The following PSG4 variants were observed in gnomAD, a reference collection of about 807,000 sequenced individuals.
PSG4 encodes the protein pregnancy specific beta-1-glycoprotein 4, also known as pregnancy-specific beta-1-glycoprotein 4.
PSG4 carries 61 observed loss-of-function variants against 44.3 expected under a neutral mutation model. That is an observed-to-expected ratio of 1.38 (90% CI 1.12 to 1.70). The LOEUF is 1.70. Among genes scored for constraint, PSG4 ranks in the 40% most tolerant of loss-of-function variants. The probability of loss-of-function intolerance (pLI) is 0.00; values close to 1 mark genes in which losing one functional copy is unlikely to be tolerated. For synonymous variants in PSG4, 248 were observed against 191.3 expected (o/e 1.30, Z -2.45); for missense variants, 677 against 511.7 (o/e 1.32, Z -3.12).
Position 43,202,625 on chromosome 19 carries a change from T to C in PSG4, c.430+1261A>G, listed in dbSNP as rs566619813. 2.8e-5 allele frequency among the ~76,000 whole-genome samples: 4 copies of C among 144,710 alleles called. 2 individuals are homozygous for C. The East Asian group carries it at 9.6e-4, about 35-fold the overall frequency. 94.9% of individuals were successfully genotyped at this position (144,710 alleles called of 152,430 possible). A position where few individuals can be genotyped will look rare whatever the true frequency, so the allele number is the denominator to read the frequency against. On this transcript the variant is annotated intron_variant, in intron 2 of 5. Transcript: ENST00000405312. The stretch of plus-strand genomic sequence containing the variant: ...AAAGAAAACAAGGTCCTCTCCTTGA[T>C]CTTCTCATGACAGTGACATGGGCAC...
chr19:43,194,714 TC>T (rs1967159586), intron 4 of PSG4, 120 bp from the exon 5 acceptor site: 1 of 1,477,194 alleles, frequency 6.8e-7, no homozygotes, highest in African/African-American at 1.4e-5. Context: ...CCAGCCAAAC[TC>T]CCTCTATGTT....
At position 43,205,556 on chromosome 19, in the gene PSG4, T is replaced by C. The variant is rs146063414; in HGVS notation, c.-20A>G. On this transcript the variant is annotated 5_prime_UTR_variant, in exon 1 of 6. Transcript: ENST00000405312. ...CCCCATGGTCTCTGCTGCTTGTGTG[T>C]TCTCCTCTGTGGAGATAAGCCTAGG... The C allele has an allele frequency of 2.7e-3, 4,180 of 1,537,824 alleles. 659 individuals carry two copies. The African/African-American group carries it at 0.052, about 19-fold the overall frequency.
chr19:43,203,857 A>C, intron 2 of PSG4, 29 bp downstream of exon 2: 2 of 1,570,016 alleles, frequency 1.3e-6, no homozygotes, highest in South Asian at 2.3e-5. Flanking sequence ...CTGTCCCCCA[A>C]CACCCAGGGA....
intron 5 of PSG4, 200 bp downstream of exon 5, chr19:43,194,140 G>A (rs1967123883): frequency 4.1e-6 from 6 of 1,449,994 alleles, no homozygotes; most frequent in Admixed American, 2.4e-5. Flanking sequence ...TCTAGGCTGG[G>A]AATTTTAAGA....
chr19:43,198,277 T>C lies in PSG4; in HGVS notation c.431-2A>G, dbSNP rs1967347542. 11 of 1,583,004 alleles carry C rather than the reference T, an allele frequency of 6.9e-6. 4 individuals are homozygous for C. The East Asian group carries it at 2.9e-4, about 42-fold the overall frequency. On this transcript the variant is annotated splice_acceptor_variant, in intron 2 of 5. Transcript: ENST00000405312. LOFTEE classifies it high-confidence loss of function. ...AGATGGAGGGCTTGGGAGTCTCCAC[T>C]GTGCAGAAAACAGAGAGAGGTTTGC... is the stretch of plus-strand genomic sequence containing the variant.
rs1267384627 is a variant in PSG4 at position 43,193,078 on chromosome 19, G to C, written c.*294C>G. The C allele has an allele frequency of 1.6e-6, 1 of 613,794 alleles. No homozygotes were observed. Among genetic ancestry groups the C allele is most frequent in the African/African-American group, 1.8e-5 (1 of 54,098 alleles). The allele number at this position is 613,794 out of a possible 1,614,324, so 38.0% of individuals were successfully genotyped here. A position where few individuals can be genotyped will look rare whatever the true frequency, so the allele number is the denominator to read the frequency against. On this transcript the variant is annotated 3_prime_UTR_variant, in exon 6 of 6. Transcript: ENST00000405312. ...AAAGAGGCAGGCATGAGCAAGGACGGTTAAGAGGGGTGGGAGCCTTATCAT... is the reference window on the plus strand; with the variant it reads ...AAAGAGGCAGGCATGAGCAAGGACGCTTAAGAGGGGTGGGAGCCTTATCAT...
chr19:43,193,751 C>G lies in PSG4; in HGVS notation c.1244-363G>C, dbSNP rs1413317219. On this transcript the variant is annotated intron_variant, in intron 5 of 5. Transcript: ENST00000405312. ...TGCAGTTCATATTGGTTCATTCTAT[C>G]TATATTCTTGAATATAACATCCCAG... The G allele has an allele frequency of 1.9e-5, 10 of 535,308 alleles. No homozygotes were observed. In the East Asian group the frequency reaches 2.5e-4, roughly 13 times the overall value. The allele number at this position is 535,308 out of a possible 1,614,324, so 33.2% of individuals were successfully genotyped here. A position where few individuals can be genotyped will look rare whatever the true frequency, so the allele number is the denominator to read the frequency against.
chr19:43,195,333 T>C, intron 3 of PSG4, 60 bp from the exon 4 acceptor site: 1 of 1,585,624 alleles, frequency 6.3e-7, no homozygotes, highest in Non-Finnish European at 8.6e-7. Context: ...TCCACAGGCA[T>C]ACTTCAATCA....
chr19:43,205,158 T>A lies in PSG4; in HGVS notation c.64+315A>T, dbSNP rs1358677100. On this transcript the variant is annotated intron_variant, in intron 1 of 5. Transcript: ENST00000405312. ...AGTCTCGTCCTGTCACCCAGGCTGG[T>A]GTGCAGTAGTGCTATCTTGGCTAGC... is the stretch of plus-strand genomic sequence containing the variant. Among the ~76,000 whole-genome samples, 10 of 129,298 alleles carry A rather than the reference T, an allele frequency of 7.7e-5. 1 individual carries two copies. Among genetic ancestry groups the A allele is most frequent in the African/African-American group, 3.2e-4 (10 of 31,150 alleles). The allele number at this position is 129,298 out of a possible 152,430, so 84.8% of individuals were successfully genotyped here. A position where few individuals can be genotyped will look rare whatever the true frequency, so the allele number is the denominator to read the frequency against.
chr19:43,195,646 C>T (rs1408165529), intron 3 of PSG4, among the ~76,000 whole-genome samples: 1 of 151,510 alleles, frequency 6.6e-6, no homozygotes, highest in African/African-American at 2.4e-5. Flanking sequence ...CTTCCAAATT[C>T]CATCCTCCTT....
rs761759817 is a variant in PSG4, at chr19:43,203,873, T to G, written c.430+13A>C. On this transcript the variant is annotated intron_variant, in intron 2 of 5. Transcript: ENST00000405312. ...TGTCCCCCAACACCCAGGGATCATG[T>G]GGAATCACTCACGGTGTAAGGTGAA... 1.7e-5 allele frequency: 27 copies of G among 1,574,308 alleles called. 2 individuals carry two copies. The highest frequency in any genetic ancestry group is 1.6e-4 in the Admixed American group (9 of 57,076).
In PSG4 at chr19:43,196,956, C is replaced by A. The variant is rs1005381363; in HGVS notation, c.709+1041G>T. On this transcript the variant is annotated intron_variant, in intron 3 of 5. Coordinates refer to ENST00000405312, the MANE Select transcript of PSG4 (RefSeq NM_002780.5). ...TGTCTTTCTAACAATATTGATTCTT[C>A]CAATCCATGAAAATGAAATGTCTTT... is the stretch of plus-strand genomic sequence containing the variant. 27 of 146,336 alleles carry A rather than the reference C, an allele frequency of 1.8e-4. 5 individuals are homozygous for A. Among genetic ancestry groups the A allele is most frequent in the African/African-American group, 7.0e-4 (27 of 38,428 alleles). 9.1% of individuals were successfully genotyped at this position (146,336 alleles called of 1,614,324 possible). A position where few individuals can be genotyped will look rare whatever the true frequency, so the allele number is the denominator to read the frequency against.
chr19:43,201,094 G>A (rs1272633053), intron 2 of PSG4, among the ~76,000 whole-genome samples: 1 of 145,532 alleles, frequency 6.9e-6, no homozygotes, highest in African/African-American at 2.6e-5. Context: ...ACACCCTGGT[G>A]AGTCAGTGCA....
In PSG4 at chr19:43,204,701, A is replaced by ACCCC. The variant is rs1354472840; in HGVS notation, c.65-451_65-450insGGGG. 2.8e-4 allele frequency: 51 copies of ACCCC among 184,060 alleles called. 10 individuals are homozygous for ACCCC. Among genetic ancestry groups the ACCCC allele is most frequent in the East Asian group, 2.2e-3 (2 of 924 alleles). The allele number at this position is 184,060 out of a possible 1,614,324, so 11.4% of individuals were successfully genotyped here. A position where few individuals can be genotyped will look rare whatever the true frequency, so the allele number is the denominator to read the frequency against. On this transcript the variant is annotated intron_variant, in intron 1 of 5. Transcript: ENST00000405312. ...CACTTAGCATGTCTGTCTTCCCCCC[A>ACCCC]CGATGACTGTGTGAGCTCCGTGAGG...
At chr19:43,200,449 T>TC (rs1967455387) in intron 2 of PSG4, among the ~76,000 whole-genome samples, 1 of 145,420 alleles carries the variant, frequency 6.9e-6, no homozygotes, top group African/African-American at 2.6e-5. Flanking sequence ...CACTTTTTTT[T>TC]CCCCACCCTT....
At chr19:43,196,233 T>C (rs570477759) in intron 3 of PSG4, among the ~76,000 whole-genome samples, 5 of 151,748 alleles carry the variant, frequency 3.3e-5, no homozygotes, top group Middle Eastern at 3.4e-3. Flanking sequence ...TACTCTCTGA[T>C]TCCCTGGGTT....
At chr19:43,197,547 T>C in intron 3 of PSG4, among the ~76,000 whole-genome samples, 1 of 138,204 alleles carries the variant, frequency 7.2e-6, no homozygotes, top group Non-Finnish European at 1.5e-5. Flanking sequence ...GGAATTCCCC[T>C]GTATGGTAAT....
intron 2 of PSG4, chr19:43,203,533 T>A (rs62116512): frequency 0.057 from 14,434 of 252,446 alleles, 1,268 homozygotes; most frequent in Non-Finnish European, 0.068. Flanking sequence ...GCTCTGAGAG[T>A]ATCTCAGGGG....
In PSG4 at chr19:43,195,642, A is replaced by G. The variant is rs1305049613; in HGVS notation, c.710-369T>C. ...ATGTGCAACTACTGGGCCCCTTCCA[A>G]ATTCCATCCTCCTTTGCCCCCCTAG... On this transcript the variant is annotated intron_variant, in intron 3 of 5. Coordinates refer to ENST00000405312, the MANE Select transcript of PSG4 (RefSeq NM_002780.5). Among the ~76,000 whole-genome samples, 18 of 151,278 alleles carry G rather than the reference A, an allele frequency of 1.2e-4. 1 individual carries two copies. In the Admixed American group the frequency reaches 1.2e-3, roughly 10 times the overall value.
Sources: gnomAD v4.1 joint callset for allele counts (sites outside exome capture counted in the v4.1 genomes callset) on GRCh38, gnomAD v4.1.1 for gene constraint, MANE v1.5 for transcripts, NCBI Gene and HGNC (gene_info 2026-07-23, HGNC 2026-07-21) for gene names.